Variants in OVCH1 observed in about 807,000 individuals in gnomAD.
The protein encoded by OVCH1 is ovochymase 1.
In OVCH1, 139 loss-of-function variants were observed where a neutral mutation model predicts 138.4. That is an observed-to-expected ratio of 1.00 (90% CI 0.87 to 1.16). The LOEUF (loss-of-function observed/expected upper bound fraction) is 1.16. Among genes scored for constraint, OVCH1 ranks in the 50% most tolerant of loss-of-function variants. The pLI, the probability that OVCH1 is intolerant of heterozygous loss-of-function variation, is 0.00. For missense variants in OVCH1, 1,367 were observed against 1,357.9 expected (o/e 1.01, Z -0.11); for synonymous variants, 453 against 467.8 (o/e 0.97, Z 0.41).
intron 19 of OVCH1, among the ~76,000 whole-genome samples, chr12:29,458,946 C>T (rs993291982): frequency 6.6e-6 from 1 of 152,128 alleles, no homozygotes; most frequent in African/African-American, 2.4e-5. Flanking sequence ...TATCATCTCA[C>T]CCTAGTTAAA....
intron 27 of OVCH1, among the ~76,000 whole-genome samples, chr12:29,433,420 A>T (rs1941304874): frequency 6.6e-6 from 1 of 152,340 alleles, no homozygotes; most frequent in African/African-American, 2.4e-5. Flanking sequence ...CGCCATGATT[A>T]TGAGGCCTCT....
chr12:29,405,763 A>G, the OVCH1 span, among the ~76,000 whole-genome samples: 950 of 152,366 alleles, frequency 6.2e-3, 5 homozygotes, highest in African/African-American at 0.022. Context: ...TGATGCAATC[A>G]GTACAATTCA....
At chr12:29,478,695 G>T in intron 9 of OVCH1, 140 bp downstream of exon 10, 1 of 487,804 alleles carries the variant, frequency 2.0e-6, no homozygotes, top group Non-Finnish European at 3.3e-6. Context: ...GTGAAAGCAA[G>T]TTTATTAGGA....
At chr12:29,472,816 C>T (rs1026193622) in intron 15 of OVCH1, among the ~76,000 whole-genome samples, 6 of 152,184 alleles carry the variant, frequency 3.9e-5, no homozygotes, top group Middle Eastern at 3.2e-3. Context: ...ATACCCTTTT[C>T]TTCCTAACCT....
rs1942662938 is a variant in OVCH1, at chr12:29,475,209, GTTTGATTTATAGTTAT to G, written c.1472-36_1472-21del. 1 of 1,396,688 alleles carries G rather than the reference GTTTGATTTATAGTTAT, an allele frequency of 7.2e-7. No individual in the cohort carries two copies. The highest frequency in any genetic ancestry group is 9.4e-7 in the Non-Finnish European group (1 of 1,064,226). 86.5% of individuals were successfully genotyped at this position (1,396,688 alleles called of 1,614,324 possible). A position where few individuals can be genotyped will look rare whatever the true frequency, so the allele number is the denominator to read the frequency against. On this transcript the variant is annotated intron_variant, in intron 13 of 27. Coordinates refer to ENST00000318184, the Ensembl canonical transcript of OVCH1. ...GTTTAGCTGAAAAAATTTTAGGAAA[GTTTGATTTATAGTTAT>G]ATTTTTAAAAAATCAGAACACACAG...
At chr12:29,440,634 G>A (rs1011724118) in intron 25 of OVCH1, 1 of 440,284 alleles carries the variant, frequency 2.3e-6, no homozygotes, top group East Asian at 7.1e-5. Flanking sequence ...AAGAAAGATA[G>A]AAGTATACAT....
At chr12:29,403,288 G>T in the OVCH1 span, among the ~76,000 whole-genome samples, 85 of 152,184 alleles carry the variant, frequency 5.6e-4, no homozygotes, top group South Asian at 8.3e-4. Flanking sequence ...AGTTCTATAG[G>T]AAAGAAATCC....
chr12:29,497,291 G>A (rs1199758432), intron 1 of OVCH1, among the ~76,000 whole-genome samples: 3 of 135,700 alleles, frequency 2.2e-5, no homozygotes, highest in South Asian at 4.3e-4. Context: ...AAGATACTGA[G>A]GAATGACCTA....
chr12:29,462,131 G>T, intron 18 of OVCH1, 123 bp from the exon 19 acceptor site: 1 of 1,060,162 alleles, frequency 9.4e-7, no homozygotes, highest in Non-Finnish European at 1.3e-6. Flanking sequence ...TTTGGCCTGA[G>T]CTGATGTAGA....
intron 17 of OVCH1, 96 bp from the exon 18 acceptor site, chr12:29,464,798 A>G (rs1473269321): frequency 1.9e-6 from 2 of 1,064,082 alleles, no homozygotes; most frequent in East Asian, 4.8e-5. Context: ...AAATTTCTGC[A>G]CTTACATACA....
chr12:29,477,663 AC>A (rs1262215147), intron 9 of OVCH1, 185 bp from the exon 11 acceptor site: 20 of 1,491,094 alleles, frequency 1.3e-5, no homozygotes, highest in East Asian at 2.3e-5. Context: ...CTCCTTCTCA[AC>A]CCCCCAGTCT....
chr12:29,488,934 G>A (rs766874968), intron 6 of OVCH1, among the ~76,000 whole-genome samples: 8 of 152,070 alleles, frequency 5.3e-5, no homozygotes, highest in Non-Finnish European at 7.4e-5. Context: ...TCATCGCCTC[G>A]AAGAAAAACT....
intron 26 of OVCH1, among the ~76,000 whole-genome samples, chr12:29,434,024 T>G (rs1941314745): frequency 1.1e-5 from 1 of 92,690 alleles, no homozygotes; most frequent in Non-Finnish European, 2.6e-5. Context: ...AATGTTTCTC[T>G]ATGATATCCG....
chr12:29,482,833 G>A, intron 8 of OVCH1, among the ~76,000 whole-genome samples: 1 of 152,128 alleles, frequency 6.6e-6, no homozygotes, highest in East Asian at 1.9e-4. Context: ...GTGTTTGAGG[G>A]TAAGTAGGCT....
intron 1 of OVCH1, among the ~76,000 whole-genome samples, chr12:29,497,311 G>A (rs12307443): frequency 0.066 from 9,965 of 152,096 alleles, 812 homozygotes; most frequent in African/African-American, 0.2. Flanking sequence ...ATACTACTCC[G>A]GAAGGGAGAT....
At chr12:29,427,913 A>G (rs1430199232) in intron 27 of OVCH1, among the ~76,000 whole-genome samples, 1 of 152,196 alleles carries the variant, frequency 6.6e-6, no homozygotes, top group African/African-American at 2.4e-5. Context: ...ATTTGTAATC[A>G]TTTGACACCT....
intron 26 of OVCH1, among the ~76,000 whole-genome samples, chr12:29,438,099 C>T (rs1442254953): frequency 6.6e-6 from 1 of 152,044 alleles, no homozygotes; most frequent in Non-Finnish European, 1.5e-5. Flanking sequence ...TCTTCTACTA[C>T]TTTTATATGA....
intron 14 of OVCH1, 37 bp downstream of exon 14, chr12:29,475,024 A>C (rs1332742845): frequency 3.9e-6 from 6 of 1,556,814 alleles, no homozygotes; most frequent in Non-Finnish European, 5.2e-6. Flanking sequence ...CCATTTGCAT[A>C]AACAAAAGTC....
chr12:29,454,858 T>C, exon 21 of OVCH1: 1 of 1,610,762 alleles, frequency 6.2e-7, no homozygotes, highest in Non-Finnish European at 8.5e-7. Flanking sequence ...AGATGCACTG[T>C]CTGGTGAAGG....
Sources: allele counts gnomAD v4.1 joint callset (sites outside exome capture counted in the v4.1 genomes callset), GRCh38; gene constraint gnomAD v4.1.1; transcripts MANE v1.5; gene names NCBI Gene and HGNC (gene_info 2026-07-23, HGNC 2026-07-21).